The following KCNH5 variants were observed in gnomAD, a reference collection of about 807,000 sequenced individuals.
KCNH5 encodes the protein voltage-gated delayed rectifier potassium channel KCNH5.
In KCNH5, 46 loss-of-function variants were observed where a neutral mutation model predicts 96.1. The observed-to-expected ratio is 0.48, with a 90% CI of 0.38 to 0.61. The LOEUF is 0.61. KCNH5 is among the 20% of genes least tolerant of loss of function. KCNH5 has a pLI of 0.00. For missense variants in KCNH5, 907 were observed against 1,225.8 expected, an observed-to-expected ratio of 0.74 and a Z score of 3.88; for synonymous variants, 439 against 449.8, an observed-to-expected ratio of 0.98 and a Z score of 0.30.
At chr14:62,755,634 A>G (rs1352480819) in intron 10 of KCNH5, among the ~76,000 whole-genome samples, 1 of 152,184 alleles carries the variant, frequency 6.6e-6, no homozygotes. Context: ...TCGAAAAAAG[A>G]AAAAGGAAGG....
At chr14:62,759,203 A>C (rs929583230) in intron 10 of KCNH5, among the ~76,000 whole-genome samples, 2 of 150,530 alleles carry the variant, frequency 1.3e-5, no homozygotes, top group Non-Finnish European at 3.0e-5. Context: ...TAAGATATTA[A>C]ATCTATCTCT....
rs913804377 is a variant in KCNH5 at position 62,705,459 on chromosome 14, C to G, written c.*2049G>C. ...GATATCATCCTCACCATGAAAGCAA[C>G]AAAATTCCAATTTCAAGGCTGATTC... On this transcript the variant is annotated 3_prime_UTR_variant, in exon 11 of 11. Transcript: ENST00000322893. The G allele has an allele frequency of 6.6e-5, 10 of 152,006 alleles. No homozygotes were observed. Among genetic ancestry groups the G allele is most frequent in the Non-Finnish European group, 1.3e-4 (9 of 67,882 alleles). The allele number at this position is 152,006 out of a possible 1,614,324, so 9.4% of individuals were successfully genotyped here.
chr14:62,746,766 A>G (rs1885383930), intron 10 of KCNH5, among the ~76,000 whole-genome samples: 1 of 152,232 alleles, frequency 6.6e-6, no homozygotes, highest in Admixed American at 6.5e-5. Context: ...CTTGAACGGA[A>G]TATTATTTTA....
At chr14:62,720,061 G>A (rs2139912229) in intron 10 of KCNH5, among the ~76,000 whole-genome samples, 1 of 152,338 alleles carries the variant, frequency 6.6e-6, no homozygotes, top group Non-Finnish European at 1.5e-5. Context: ...ATAGGGAATG[G>A]CAGAGTGGTT....
intron 1 of KCNH5, among the ~76,000 whole-genome samples, chr14:63,037,659 C>A (rs1327013757): frequency 6.6e-6 from 1 of 152,146 alleles, no homozygotes; most frequent in African/African-American, 2.4e-5. Flanking sequence ...CAAAGGTTAA[C>A]TTTTCCCCTC....
intron 7 of KCNH5, among the ~76,000 whole-genome samples, chr14:62,936,037 G>T (rs1889673790): frequency 6.6e-6 from 1 of 152,166 alleles, no homozygotes; most frequent in Admixed American, 6.5e-5. Flanking sequence ...AGAGAGGTCA[G>T]GGGAGAGCCA....
rs771540613 is a variant in KCNH5 at position 63,045,147 on chromosome 14, T to C, written c.40A>G (p.Thr14Ala). The change falls in exon 1 of 11, where the codon ACA becomes GCA. Residue 14 changes from threonine (T) to alanine (A), a missense_variant. Thr to Ala is a moderately conservative substitution (Grantham distance 58). Transcript: ENST00000322893. ...GKRGLVAPQNTFLENIVRRSS... is the reference protein window; with the variant it reads ...GKRGLVAPQNAFLENIVRRSS... ...CGCCTGACGATGTTCTCCAAAAATG[T>C]GTTCTGCGGTGCCACCAGCCCTCTC... 6.2e-7 allele frequency: 1 copy of C among 1,613,806 alleles called. No homozygotes were observed. Among genetic ancestry groups the C allele is most frequent in the South Asian group, 1.1e-5 (1 of 91,068 alleles).
chr14:62,981,663 T>C (rs1890609622), intron 5 of KCNH5, among the ~76,000 whole-genome samples: 1 of 152,164 alleles, frequency 6.6e-6, no homozygotes, highest in African/African-American at 2.4e-5. Flanking sequence ...AAGCATAACT[T>C]TGATTCTGAT....
intron 8 of KCNH5, among the ~76,000 whole-genome samples, chr14:62,838,437 T>C: frequency 6.6e-6 from 1 of 152,174 alleles, no homozygotes; most frequent in East Asian, 1.9e-4. Flanking sequence ...AAGCCCATCA[T>C]GCCCCATCTA....
chr14:62,896,549 T>C (rs953176687), intron 7 of KCNH5, among the ~76,000 whole-genome samples: 11 of 152,222 alleles, frequency 7.2e-5, no homozygotes, highest in Non-Finnish European at 1.2e-4. Flanking sequence ...TTCAAAATTC[T>C]TCCTAAGGTA....
Position 62,913,581 on chromosome 14 carries a change from T to G in KCNH5, c.1369+36552A>C, listed in dbSNP as rs559422704. Among the ~76,000 whole-genome samples the G allele has an allele frequency of 3.3e-5, 5 of 152,246 alleles. 1 individual carries two copies. The South Asian group carries it at 1.0e-3, about 32-fold the overall frequency. The stretch of plus-strand genomic sequence containing the variant: ...AACTGATTTAGAATTTTAGGTAATG[T>G]AGCAATGGTTTGTTTAATTAGTAGG... On this transcript the variant is annotated intron_variant, in intron 7 of 10. Coordinates refer to ENST00000322893, the MANE Select transcript of KCNH5 (RefSeq NM_139318.5).
chr14:62,901,882 C>T (rs186190033), intron 7 of KCNH5, among the ~76,000 whole-genome samples: 3 of 152,302 alleles, frequency 2.0e-5, no homozygotes, highest in Non-Finnish European at 4.4e-5. Flanking sequence ...GCAACCTCAC[C>T]AGCATCTATT....
intron 7 of KCNH5, among the ~76,000 whole-genome samples, chr14:62,872,631 T>A (rs74377156): frequency 0.14 from 21,491 of 152,200 alleles, 1,769 homozygotes; most frequent in East Asian, 0.28. Flanking sequence ...AGGCGGAGGT[T>A]GCAGTGAGCA....
At chr14:62,939,786 C>A (rs1889753760) in intron 7 of KCNH5, among the ~76,000 whole-genome samples, 1 of 151,984 alleles carries the variant, frequency 6.6e-6, no homozygotes. Context: ...ACTAAAATTA[C>A]AAAATTAGCC....
rs1350339561 is a variant in KCNH5, at chr14:62,883,705, T to C, written c.1370-33853A>G. Among the ~76,000 whole-genome samples, 3 of 152,090 alleles carry C rather than the reference T, an allele frequency of 2.0e-5. 1 individual carries two copies. Among genetic ancestry groups the C allele is most frequent in the Admixed American group, 1.3e-4 (2 of 15,258 alleles). On this transcript the variant is annotated intron_variant, in intron 7 of 10. Coordinates refer to ENST00000322893, the MANE Select transcript of KCNH5 (RefSeq NM_139318.5). ...GATAATGAGGGTGGAGGGAGACTTT[T>C]ACTTTTCACGTTACACACTGTTGTC...
chr14:63,003,283 C>G (rs537703105), intron 3 of KCNH5, among the ~76,000 whole-genome samples: 20 of 149,580 alleles, frequency 1.3e-4, no homozygotes, highest in African/African-American at 4.9e-4. Context: ...GGTGATAGAT[C>G]CTTCATATTC....
At chr14:62,833,770 T>G (rs1887409181) in intron 8 of KCNH5, among the ~76,000 whole-genome samples, 1 of 152,036 alleles carries the variant, frequency 6.6e-6, no homozygotes, top group Admixed American at 6.6e-5. Context: ...TAACATTCAT[T>G]AAATGTTTCC....
At chr14:62,803,055 G>T (rs937658349) in intron 8 of KCNH5, among the ~76,000 whole-genome samples, 1 of 152,202 alleles carries the variant, frequency 6.6e-6, no homozygotes, top group Admixed American at 6.5e-5. Context: ...GGAGGCTGAA[G>T]TGGGAGAATC....
chr14:62,835,260 G>A (rs1349907192), intron 8 of KCNH5, among the ~76,000 whole-genome samples: 1 of 151,840 alleles, frequency 6.6e-6, no homozygotes, highest in African/African-American at 2.4e-5. Context: ...GGGTTTTACT[G>A]TCTTCTTTTT....
Sources: gnomAD v4.1 joint callset for allele counts (sites outside exome capture counted in the v4.1 genomes callset) on GRCh38, gnomAD v4.1.1 for gene constraint, MANE v1.5 for transcripts, NCBI Gene and HGNC (gene_info 2026-07-23, HGNC 2026-07-21) for gene names.